The following GLDC variants were observed in gnomAD, a reference collection of about 807,000 sequenced individuals.
GLDC encodes the protein glycine decarboxylase.
Under a neutral mutation model 121.3 loss-of-function variants are expected in GLDC, and 104 were observed. That is an observed-to-expected ratio of 0.86 (90% CI 0.73 to 1.01). The LOEUF (loss-of-function observed/expected upper bound fraction) is 1.01. Among genes scored for constraint, GLDC ranks in the 50% least tolerant of loss-of-function variants. The probability of loss-of-function intolerance (pLI) is 0.00; values close to 1 mark genes in which losing one functional copy is unlikely to be tolerated. For synonymous variants in GLDC, 546 were observed against 480.6 expected, an observed-to-expected ratio of 1.14 and a Z score of -1.78; for missense variants, 1,429 against 1,306.6, an observed-to-expected ratio of 1.09 and a Z score of -1.44.
Position 6,604,754 on chromosome 9 carries a change from C to A in GLDC, c.892G>T (p.Ala298Ser), listed in dbSNP as rs778601135. ...SLACCATDLL[A>S]LCILRPPGEF... ...CCAGGTGGCCTCAAGATGCACAAAG[C>A]TAAAAGGTCAGTAGCACAGCAGGCC... The change falls in exon 7 of 25, where the codon GCT (alanine) becomes TCT (serine). Residue 298 changes from alanine to serine, a missense_variant. Physicochemically the swap from Ala to Ser is moderately conservative, Grantham distance 99 (BLOSUM62 1). Transcript: ENST00000321612. The A allele has an allele frequency of 6.2e-7, 1 of 1,613,988 alleles. No homozygotes were observed. Among genetic ancestry groups the A allele is most frequent in the Non-Finnish European group, 8.5e-7 (1 of 1,179,980 alleles).
intron 4 of GLDC, among the ~76,000 whole-genome samples, chr9:6,607,337 C>G (rs971058284): frequency 7.9e-5 from 12 of 152,060 alleles, no homozygotes. Context: ...AATCCCAGCA[C>G]TACGGGAGGC....
chr9:6,535,091 C>G (rs1661025469), intron 23 of GLDC, among the ~76,000 whole-genome samples: 1 of 152,174 alleles, frequency 6.6e-6, no homozygotes, highest in Non-Finnish European at 1.5e-5. Flanking sequence ...CATCCCAGTG[C>G]TAACCACTCT....
chr9:6,550,638 G>A lies in GLDC; in HGVS notation c.2569+165C>T, dbSNP rs187682388. Among the ~76,000 whole-genome samples the A allele has an allele frequency of 2.6e-3, 392 of 152,064 alleles. 3 individuals are homozygous for A. The highest frequency in any genetic ancestry group is 9.2e-3 in the African/African-American group (381 of 41,502). On this transcript the variant is annotated intron_variant, in intron 21 of 24. Coordinates refer to ENST00000321612, the MANE Select transcript of GLDC (RefSeq NM_000170.3). Reference sequence around the variant, plus strand: ...CAAGACTCTATCTCAAAAATAACAAGATAAAATAAAATAAACCCGAGTTAT... The same window carrying A: ...CAAGACTCTATCTCAAAAATAACAAAATAAAATAAAATAAACCCGAGTTAT...
At chr9:6,544,385 G>C (rs1016971994) in intron 21 of GLDC, among the ~76,000 whole-genome samples, 1 of 152,046 alleles carries the variant, frequency 6.6e-6, no homozygotes, top group Non-Finnish European at 1.5e-5. Flanking sequence ...AGGCAAAGTC[G>C]CTGTTTGTCT....
At chr9:6,565,592 G>A (rs1208124763) in intron 15 of GLDC, 163 bp from the exon 16 acceptor site, 19 of 701,328 alleles carry the variant, frequency 2.7e-5, no homozygotes, top group African/African-American at 2.1e-4. Context: ...GAGTCAAAAG[G>A]TCTTGAACAA....
chr9:6,582,239 C>G (rs1228686886), intron 15 of GLDC, among the ~76,000 whole-genome samples: 1 of 136,952 alleles, frequency 7.3e-6, no homozygotes, highest in Non-Finnish European at 1.6e-5. Context: ...AAAAAAAAAG[C>G]CGGGCATGGT....
At chr9:6,588,918 G>C (rs557974446) in intron 12 of GLDC, among the ~76,000 whole-genome samples, 1 of 152,174 alleles carries the variant, frequency 6.6e-6, no homozygotes, top group East Asian at 1.9e-4. Flanking sequence ...ATGAGTTGAA[G>C]GTTGGGAAGA....
At chr9:6,577,674 T>A (rs1340163637) in intron 15 of GLDC, among the ~76,000 whole-genome samples, 1 of 152,174 alleles carries the variant, frequency 6.6e-6, no homozygotes, top group Non-Finnish European at 1.5e-5. Context: ...CATCCTTTCA[T>A]ACATCTTTCC....
intron 21 of GLDC, among the ~76,000 whole-genome samples, chr9:6,546,025 T>C (rs1043603508): frequency 6.6e-6 from 1 of 152,244 alleles, no homozygotes; most frequent in Non-Finnish European, 1.5e-5. Flanking sequence ...AAATACATTG[T>C]ACAGCTGTAC....
intron 8 of GLDC, 55 bp downstream of exon 8, chr9:6,602,054 G>A: frequency 8.9e-6 from 9 of 1,010,972 alleles, no homozygotes; most frequent in Non-Finnish European, 1.4e-5. Flanking sequence ...TGAATGAGTA[G>A]CTCATTTCTG....
At chr9:6,638,702 G>C (rs564994598) in intron 2 of GLDC, among the ~76,000 whole-genome samples, 1 of 152,060 alleles carries the variant, frequency 6.6e-6, no homozygotes, top group Non-Finnish European at 1.5e-5. Flanking sequence ...TGGAGATAGT[G>C]ACTATGTTTA....
intron 11 of GLDC, among the ~76,000 whole-genome samples, chr9:6,590,428 G>A (rs1336782522): frequency 6.6e-6 from 1 of 152,128 alleles, no homozygotes. Flanking sequence ...TGGGCTTGGC[G>A]CTGTCTTCAC....
Position 6,588,383 on chromosome 9 carries a change from C to T in GLDC, c.1707+18G>A, listed in dbSNP as rs2129836136. The T allele has an allele frequency of 1.9e-6, 3 of 1,593,066 alleles. No homozygotes were observed. The highest frequency in any genetic ancestry group is 2.6e-6 in the Non-Finnish European group (3 of 1,160,814). Reference sequence around the variant, plus strand: ...CTGCCCCTTGCTGAGTATCCACTTACAGAAGTGAGCTACTTACTGCGAGTT... The same window carrying T: ...CTGCCCCTTGCTGAGTATCCACTTATAGAAGTGAGCTACTTACTGCGAGTT... On this transcript the variant is annotated intron_variant, in intron 14 of 24. Coordinates refer to ENST00000321612, the MANE Select transcript of GLDC (RefSeq NM_000170.3).
rs2129898600 is a variant in GLDC at position 6,605,272 on chromosome 9, A to G, written c.720T>C (p.Thr240=). ...IAVVQTRAKY[T]GVLTELKLPC... is the part of the protein sequence containing the mutation. ...GTAACTTCAGCTCAGTGAGGACTCCAGTATATCTGGAAAGACAGACAACAA... is the reference window on the plus strand; with the variant it reads ...GTAACTTCAGCTCAGTGAGGACTCCGGTATATCTGGAAAGACAGACAACAA... Residue 240 remains threonine, a synonymous_variant, in exon 6 of 25, where the codon ACT becomes ACC. Coordinates refer to ENST00000321612, the MANE Select transcript of GLDC (RefSeq NM_000170.3). 2 of 1,613,928 alleles carry G rather than the reference A, an allele frequency of 1.2e-6. No homozygotes were observed. The highest frequency in any genetic ancestry group is 1.7e-6 in the Non-Finnish European group (2 of 1,179,752).
rs137861958 is a variant in GLDC, at chr9:6,627,666, C to G, written c.335-7347G>C. Among the ~76,000 whole-genome samples, 792 of 152,286 alleles carry G rather than the reference C, an allele frequency of 5.2e-3. 6 individuals are homozygous for G. The highest frequency in any genetic ancestry group is 0.018 in the African/African-American group (753 of 41,552). On this transcript the variant is annotated intron_variant, in intron 2 of 24. Transcript: ENST00000321612. ...TCACGCTTCTTTCCATTCACTCATC[C>G]ATTGCCCAACACTACAAAACTTCCC...
At chr9:6,625,997 A>G (rs182449293) in intron 2 of GLDC, among the ~76,000 whole-genome samples, 33 of 152,180 alleles carry the variant, frequency 2.2e-4, no homozygotes, top group African/African-American at 7.5e-4. Flanking sequence ...CAAACTCCAG[A>G]TCGCTTCCCT....
chr9:6,565,781 T>C, intron 15 of GLDC: 1 of 507,726 alleles, frequency 2.0e-6, no homozygotes, highest in Non-Finnish European at 3.5e-6. Flanking sequence ...CTACGACGTG[T>C]GTGTCAGCCA....
chr9:6,548,191 G>A (rs1158503931), intron 21 of GLDC, among the ~76,000 whole-genome samples: 1 of 152,130 alleles, frequency 6.6e-6, no homozygotes, highest in African/African-American at 2.4e-5. Flanking sequence ...GAAAATATTA[G>A]TAATGGCTAT....
At position 6,568,996 on chromosome 9, in the gene GLDC, A is replaced by G. The variant is rs1355750351; in HGVS notation, c.1851-3567T>C. 2.6e-5 allele frequency: 4 copies of G among 152,248 alleles called. No homozygotes were observed. The East Asian group carries it at 7.7e-4, about 29-fold the overall frequency. The allele number at this position is 152,248 out of a possible 1,614,324, so 9.4% of individuals were successfully genotyped here. On this transcript the variant is annotated intron_variant, in intron 15 of 24. Transcript: ENST00000321612. ...AGATTCATTCTACAAAGAATCCACA[A>G]GAAATTCAATAGACCAGAAAAAGTA... is the stretch of plus-strand genomic sequence containing the variant.
Sources: allele counts gnomAD v4.1 joint callset (sites outside exome capture counted in the v4.1 genomes callset), GRCh38; gene constraint gnomAD v4.1.1; transcripts MANE v1.5; gene names NCBI Gene and HGNC (gene_info 2026-07-23, HGNC 2026-07-21).